Variants in CCDC186 observed in about 807,000 individuals in gnomAD.
CCDC186 encodes coiled-coil domain containing 186, also known as coiled-coil domain-containing protein 186.
A neutral mutation model predicts 113.7 loss-of-function variants in CCDC186; 49 were observed. The ratio of observed to expected loss-of-function variants is 0.43; its 90% CI spans 0.34 to 0.55. The LOEUF is 0.55. Among genes scored for constraint, CCDC186 ranks in the 20% least tolerant of loss-of-function variants. The probability of loss-of-function intolerance (pLI) is 0.02; values close to 1 mark genes in which losing one functional copy is unlikely to be tolerated. For missense variants in CCDC186, 890 were observed against 1,011.1 expected, an observed-to-expected ratio of 0.88 and a Z score of 1.62; for synonymous variants, 355 against 345.8, an observed-to-expected ratio of 1.03 and a Z score of -0.30.
intron 5 of CCDC186, among the ~76,000 whole-genome samples, chr10:114,144,851 T>C (rs891833843): frequency 2.0e-5 from 3 of 152,156 alleles, no homozygotes; most frequent in African/African-American, 7.2e-5. Flanking sequence ...TTGGATGTAT[T>C]GTCAACACAA....
chr10:114,151,195 T>G lies in CCDC186; in HGVS notation c.785A>C (p.Asn262Thr), dbSNP rs751276065. Residue 262 changes from asparagine (N) to threonine (T), a missense_variant, in exon 4 of 16, where the codon AAT (asparagine) becomes ACT (threonine). By Grantham distance (65) the Asn-to-Thr change is moderately conservative (BLOSUM62 0). Coordinates refer to ENST00000369287, the MANE Select transcript of CCDC186 (RefSeq NM_018017.4). Reference protein sequence around the residue: ...KQLESRIEELNKEVKASRDQL... With the variant: ...KQLESRIEELTKEVKASRDQL... ...ATCTCTGGAAGCTTTAACTTCTTTATTAAGTTCTTCTATTCTTGATTCTAA... is the reference window on the plus strand; with the variant it reads ...ATCTCTGGAAGCTTTAACTTCTTTAGTAAGTTCTTCTATTCTTGATTCTAA... 1 of 1,585,404 alleles carries G rather than the reference T, an allele frequency of 6.3e-7. No individual in the cohort carries two copies. Among genetic ancestry groups the G allele is most frequent in the South Asian group, 1.1e-5 (1 of 90,046 alleles).
At position 114,136,067 on chromosome 10, in the gene CCDC186, G is replaced by C. The variant is rs138030603; in HGVS notation, c.1425+81C>G. Reference sequence around the variant, plus strand: ...CTGTTCCTTCCAAAAGGCCTTAAAAGTAGATAGCAATAAGTTCTCACTATT... The same window carrying C: ...CTGTTCCTTCCAAAAGGCCTTAAAACTAGATAGCAATAAGTTCTCACTATT... On this transcript the variant is annotated intron_variant, in intron 8 of 15. Transcript: ENST00000369287. 7.4e-4 allele frequency: 1,110 copies of C among 1,497,102 alleles called. 1 individual carries two copies. Among genetic ancestry groups the C allele is most frequent in the Middle Eastern group, 2.9e-3 (17 of 5,784 alleles). The allele number at this position is 1,497,102 out of a possible 1,614,324, so 92.7% of individuals were successfully genotyped here. A position where few individuals can be genotyped will look rare whatever the true frequency, so the allele number is the denominator to read the frequency against.
At chr10:114,165,740 C>A (rs975469621) in intron 1 of CCDC186, among the ~76,000 whole-genome samples, 1 of 150,546 alleles carries the variant, frequency 6.6e-6, no homozygotes, top group Non-Finnish European at 1.5e-5. Context: ...CCCAGCTACT[C>A]GGGAGGCTGA....
intron 1 of CCDC186, among the ~76,000 whole-genome samples, chr10:114,172,971 C>A (rs868268194): frequency 6.6e-6 from 1 of 152,148 alleles, no homozygotes; most frequent in Non-Finnish European, 1.5e-5. Context: ...AACTAGCATA[C>A]CTAAATAGAT....
intron 1 of CCDC186, chr10:114,165,770 C>T: frequency 2.3e-6 from 1 of 439,772 alleles, no homozygotes; most frequent in Non-Finnish European, 3.0e-6. Context: ...ATCGCTTGAA[C>T]CCAGGAGGCG....
At chr10:114,155,390 A>C (rs753225900) in intron 3 of CCDC186, among the ~76,000 whole-genome samples, 4 of 152,230 alleles carry the variant, frequency 2.6e-5, no homozygotes, top group Non-Finnish European at 4.4e-5. Flanking sequence ...AAAAGTAAAA[A>C]GAAGCTGGGC....
At chr10:114,125,808 G>T in intron 15 of CCDC186, 78 bp downstream of exon 15, 1 of 1,218,776 alleles carries the variant, frequency 8.2e-7, no homozygotes, top group Non-Finnish European at 1.2e-6. Flanking sequence ...CAGCCCAGCT[G>T]ATTGCTAGAT....
chr10:114,164,047 T>C (rs2032253148), intron 1 of CCDC186, among the ~76,000 whole-genome samples: 1 of 149,782 alleles, frequency 6.7e-6, no homozygotes, highest in Non-Finnish European at 1.5e-5. Context: ...AGCAACTTTA[T>C]TAATTTGACC....
chr10:114,128,461 CTGA>C (rs2030983566), intron 13 of CCDC186, among the ~76,000 whole-genome samples: 1 of 152,146 alleles, frequency 6.6e-6, no homozygotes, highest in Non-Finnish European at 1.5e-5. Flanking sequence ...ATTGTAACAA[CTGA>C]TGATGGTTTT....
chr10:114,158,501 T>C (rs2032074376), intron 2 of CCDC186, among the ~76,000 whole-genome samples: 1 of 152,094 alleles, frequency 6.6e-6, no homozygotes, highest in African/African-American at 2.4e-5. Context: ...GTGTATTATT[T>C]CATTTAGTAT....
At chr10:114,163,861 A>T (rs2032249710) in intron 1 of CCDC186, among the ~76,000 whole-genome samples, 1 of 152,116 alleles carries the variant, frequency 6.6e-6, no homozygotes, top group South Asian at 2.1e-4. Flanking sequence ...TAGCCCAGAG[A>T]TCTAGATTTG....
rs756497362 is a variant in CCDC186 at position 114,157,549 on chromosome 10, T to C, written c.759+5A>G. 3 of 1,584,094 alleles carry C rather than the reference T, an allele frequency of 1.9e-6. No homozygotes were observed. In the African/African-American group the frequency reaches 4.1e-5, roughly 22 times the overall value. Reference sequence around the variant, plus strand: ...ATAGTCTTCGAAGATTTTTGTCTTTTTTACCTGTTTAATTGTGTTCATATG... The same window carrying C: ...ATAGTCTTCGAAGATTTTTGTCTTTCTTACCTGTTTAATTGTGTTCATATG... On this transcript the variant is annotated splice_donor_5th_base_variant and intron_variant, in intron 3 of 15. Transcript: ENST00000369287.
At chr10:114,174,210 G>T (rs935192024), upstream of CCDC186, 2 of 427,588 alleles carry the variant, frequency 4.7e-6, no homozygotes, top group African/African-American at 2.0e-5. Context: ...AGATGGCGGC[G>T]ACACTGAAGC....
Position 114,131,161 on chromosome 10 carries a change from T to C in CCDC186, c.2087A>G (p.Lys696Arg). The C allele has an allele frequency of 6.5e-7, 1 of 1,542,004 alleles. No homozygotes were observed. The highest frequency in any genetic ancestry group is 1.4e-5 in the African/African-American group (1 of 71,294). The change falls in exon 12 of 16, where the codon AAA becomes AGA. Residue 696 changes from lysine to arginine, a missense_variant. Coordinates refer to ENST00000369287, the MANE Select transcript of CCDC186 (RefSeq NM_018017.4). ...GAATTTTATACCTTGCTGAAGTTGT[T>C]TGGTGAGATCCTTGATACTAGAGGC... is the stretch of plus-strand genomic sequence containing the variant. ...KHASSIKDLT[K>R]QLQQARRKLD...
In CCDC186 at chr10:114,134,931, A is replaced by G; in HGVS notation, c.1637T>C (p.Leu546Pro). Reference sequence around the variant, plus strand: ...TTTGTACCTTTGAAGCTGCTCCTGTAGCTGATCTGCAGTTTTCACCTTGTC... The same window carrying G: ...TTTGTACCTTTGAAGCTGCTCCTGTGGCTGATCTGCAGTTTTCACCTTGTC... ...LLDKVKTADQ[L>P]QEQLQRGKQE... Residue 546 changes from leucine (L) to proline (P), a missense_variant, in exon 10 of 16, where the codon CTA becomes CCA. Leu to Pro is a moderately conservative substitution (Grantham distance 98). Coordinates refer to ENST00000369287, the MANE Select transcript of CCDC186 (RefSeq NM_018017.4). 6.2e-7 allele frequency: 1 copy of G among 1,611,376 alleles called. No individual in the cohort carries two copies. The highest frequency in any genetic ancestry group is 8.5e-7 in the Non-Finnish European group (1 of 1,179,252).
In CCDC186 at chr10:114,121,053, T is replaced by C. The variant is rs1226274808; in HGVS notation, c.*4090A>G. The C allele has an allele frequency of 6.6e-6, 1 of 152,140 alleles. No individual in the cohort carries two copies. Among genetic ancestry groups the C allele is most frequent in the Admixed American group, 6.5e-5 (1 of 15,278 alleles). 9.4% of individuals were successfully genotyped at this position (152,140 alleles called of 1,614,324 possible). ...ACAAGTTTCATCATTGCAGTCAAAATGGATAGCGATTTGCATTTTAGAAAA... is the reference window on the plus strand; with the variant it reads ...ACAAGTTTCATCATTGCAGTCAAAACGGATAGCGATTTGCATTTTAGAAAA... On this transcript the variant is annotated 3_prime_UTR_variant, in exon 16 of 16. Coordinates refer to ENST00000369287, the MANE Select transcript of CCDC186 (RefSeq NM_018017.4).
chr10:114,140,677 C>T (rs2031439528), intron 6 of CCDC186, among the ~76,000 whole-genome samples: 1 of 152,176 alleles, frequency 6.6e-6, no homozygotes, highest in African/African-American at 2.4e-5. Context: ...TTTTCAAGTA[C>T]ACTAATCTTG....
intron 3 of CCDC186, among the ~76,000 whole-genome samples, chr10:114,156,092 A>C (rs2032002671): frequency 6.6e-6 from 1 of 152,200 alleles, no homozygotes; most frequent in Non-Finnish European, 1.5e-5. Context: ...CGAAATATGG[A>C]TTTAGCCTGT....
chr10:114,156,751 A>T (rs966705474), intron 3 of CCDC186, among the ~76,000 whole-genome samples: 4 of 151,872 alleles, frequency 2.6e-5, no homozygotes, highest in African/African-American at 7.2e-5. Context: ...AAAATAAATT[A>T]AAAAAAAGAA....
Sources: allele counts gnomAD v4.1 joint callset (sites outside exome capture counted in the v4.1 genomes callset), GRCh38; gene constraint gnomAD v4.1.1; transcripts MANE v1.5; gene names NCBI Gene and HGNC (gene_info 2026-07-23, HGNC 2026-07-21).